ATP8A2: variants seen among roughly 807,000 people sequenced by gnomAD.
The protein encoded by ATP8A2 is phospholipid-transporting ATPase IB.
In ATP8A2, 100 loss-of-function variants were observed where a neutral mutation model predicts 165.6. The observed-to-expected ratio is 0.60, with a 90% CI of 0.51 to 0.71. ATP8A2 has a LOEUF of 0.71. Ranked by LOEUF, ATP8A2 falls within the 30% of genes least tolerant of loss-of-function variation. ATP8A2 has a pLI of 0.00. For missense variants in ATP8A2, 1,227 were observed against 1,479.5 expected (o/e 0.83, Z 2.80); for synonymous variants, 543 against 548.8 (o/e 0.99, Z 0.15).
chr13:25,817,320 AC>A (rs1951049992), intron 27 of ATP8A2, among the ~76,000 whole-genome samples: 2 of 135,160 alleles, frequency 1.5e-5, no homozygotes, highest in African/African-American at 5.5e-5. Flanking sequence ...AATTGTGCAT[AC>A]CCCATCTGGT....
rs557566329 is a variant in ATP8A2 at position 25,876,569 on chromosome 13, G to A, written c.3183+14161G>A. On this transcript the variant is annotated intron_variant, in intron 33 of 36. Transcript: ENST00000381655. ...CAGGCCTGTTGAGAAACTTTACTAC[G>A]TATGGCATCAAAACAGAGTAAGACT... is the stretch of plus-strand genomic sequence containing the variant. Among the ~76,000 whole-genome samples, 11 of 152,198 alleles carry A rather than the reference G, an allele frequency of 7.2e-5. No individual in the cohort carries two copies. In the East Asian group the frequency reaches 9.6e-4, roughly 13 times the overall value.
At chr13:25,934,225 T>A (rs560499346) in intron 33 of ATP8A2, among the ~76,000 whole-genome samples, 1 of 152,344 alleles carries the variant, frequency 6.6e-6, no homozygotes, top group South Asian at 2.1e-4. Context: ...ATTTCTAGTA[T>A]GTACGGGTAG....
chr13:25,717,037 G>T (rs563587223), intron 25 of ATP8A2, among the ~76,000 whole-genome samples: 19 of 152,284 alleles, frequency 1.2e-4, no homozygotes, highest in Non-Finnish European at 1.5e-4. Flanking sequence ...GGAAAGAAAG[G>T]TGACTTTAAT....
intron 35 of ATP8A2, among the ~76,000 whole-genome samples, chr13:25,991,546 T>C (rs1161866863): frequency 1.3e-5 from 2 of 152,228 alleles, no homozygotes; most frequent in Non-Finnish European, 2.9e-5. Context: ...CTGTTCTCCA[T>C]TTCTATGATT....
chr13:25,579,769 C>T (rs746286227), intron 21 of ATP8A2, 39 bp from the exon 22 acceptor site: 8 of 1,607,054 alleles, frequency 5.0e-6, no homozygotes, highest in African/African-American at 2.7e-5. Context: ...GGAGGTCACG[C>T]GTTCTGCCTG....
In ATP8A2 at chr13:25,761,097, A is replaced by T. The variant is rs562663092; in HGVS notation, c.2385-7949A>T. 1.5e-3 allele frequency among the ~76,000 whole-genome samples: 234 copies of T among 152,316 alleles called. 1 individual carries two copies. Among genetic ancestry groups the T allele is most frequent in the Non-Finnish European group, 2.2e-3 (151 of 68,016 alleles). On this transcript the variant is annotated intron_variant, in intron 25 of 36. Transcript: ENST00000381655. Reference sequence around the variant, plus strand: ...GGTGTTGTGACCTTAGCACCTGTTCAACTGCAGTGTCACTGAAAGGAAAGG... The same window carrying T: ...GGTGTTGTGACCTTAGCACCTGTTCTACTGCAGTGTCACTGAAAGGAAAGG...
chr13:25,462,240 A>C (rs1020879899), intron 1 of ATP8A2, among the ~76,000 whole-genome samples: 1 of 152,198 alleles, frequency 6.6e-6, no homozygotes, highest in African/African-American at 2.4e-5. Context: ...GTGAGGTCAG[A>C]CTTTACAGGT....
At chr13:25,434,664 G>A (rs2034705956) in intron 1 of ATP8A2, among the ~76,000 whole-genome samples, 1 of 152,064 alleles carries the variant, frequency 6.6e-6, no homozygotes, top group African/African-American at 2.4e-5. Context: ...TTCTTTTCAA[G>A]CACAGTAGCT....
chr13:25,593,498 G>A (rs796910589), intron 24 of ATP8A2, among the ~76,000 whole-genome samples: 24 of 152,246 alleles, frequency 1.6e-4, no homozygotes, highest in African/African-American at 5.3e-4. Flanking sequence ...GTGGAGTGAT[G>A]GTGTGCACCC....
intron 1 of ATP8A2, among the ~76,000 whole-genome samples, chr13:25,426,258 C>T (rs2043504100): frequency 6.6e-6 from 1 of 152,194 alleles, no homozygotes; most frequent in Non-Finnish European, 1.5e-5. Flanking sequence ...GGAGCTGTGA[C>T]TTATGGCAGA....
At chr13:25,703,781 G>A (rs2042999764) in intron 25 of ATP8A2, among the ~76,000 whole-genome samples, 1 of 152,288 alleles carries the variant, frequency 6.6e-6, no homozygotes, top group East Asian at 1.9e-4. Flanking sequence ...CAGCGGTTGG[G>A]AGGAGGAAGA....
chr13:25,682,341 C>G (rs1304026957), intron 24 of ATP8A2, among the ~76,000 whole-genome samples: 1 of 152,098 alleles, frequency 6.6e-6, no homozygotes, highest in African/African-American at 2.4e-5. Flanking sequence ...GGCATAAAAT[C>G]CTTCCCCTGA....
intron 24 of ATP8A2, among the ~76,000 whole-genome samples, chr13:25,675,523 G>C (rs988721801): frequency 1.3e-5 from 2 of 152,182 alleles, no homozygotes; most frequent in South Asian, 4.1e-4. Context: ...AGTTTTATCA[G>C]ATAGCTTTTT....
intron 27 of ATP8A2, among the ~76,000 whole-genome samples, chr13:25,780,932 T>A (rs112447808): frequency 1.3e-5 from 2 of 152,062 alleles, no homozygotes; most frequent in Non-Finnish European, 2.9e-5. Flanking sequence ...GGGTTGGGGA[T>A]CCCTGTACTA....
chr13:26,018,008 T>C (rs1476904406), intron 36 of ATP8A2, among the ~76,000 whole-genome samples: 1 of 152,252 alleles, frequency 6.6e-6, no homozygotes, highest in Admixed American at 6.5e-5. Flanking sequence ...TGTTCTCTTC[T>C]GTTCTGTTCA....
chr13:25,684,123 A>G (rs1259310720), intron 24 of ATP8A2, among the ~76,000 whole-genome samples: 1 of 152,214 alleles, frequency 6.6e-6, no homozygotes, highest in Non-Finnish European at 1.5e-5. Flanking sequence ...CCAGGATAAC[A>G]TTATTAACCA....
intron 24 of ATP8A2, among the ~76,000 whole-genome samples, chr13:25,621,962 C>A (rs996163932): frequency 1.3e-5 from 2 of 152,048 alleles, no homozygotes; most frequent in East Asian, 3.9e-4. Flanking sequence ...CACCTGAGGT[C>A]AGGAGTTTGA....
chr13:25,537,381 A>C (rs939560008), intron 6 of ATP8A2, among the ~76,000 whole-genome samples: 1 of 152,212 alleles, frequency 6.6e-6, no homozygotes, highest in African/African-American at 2.4e-5. Flanking sequence ...TGGCTGTATT[A>C]CTGTGATCAA....
intron 29 of ATP8A2, among the ~76,000 whole-genome samples, chr13:25,838,446 C>G (rs9581463): frequency 1.4e-4 from 21 of 152,132 alleles, no homozygotes; most frequent in Non-Finnish European, 2.8e-4. Context: ...GACCCATTTT[C>G]ACTGCATTAT....
Sources: gnomAD v4.1 joint callset for allele counts (sites outside exome capture counted in the v4.1 genomes callset) on GRCh38, gnomAD v4.1.1 for gene constraint, MANE v1.5 for transcripts, NCBI Gene and HGNC (gene_info 2026-07-23, HGNC 2026-07-21) for gene names.